Variants in DGKQ observed in about 807,000 individuals in gnomAD.
The protein encoded by DGKQ is diacylglycerol kinase theta.
In DGKQ, 97 loss-of-function variants were observed where a neutral mutation model predicts 104.2. That is an observed-to-expected ratio of 0.93 (90% CI 0.79 to 1.10). DGKQ has a LOEUF of 1.10. DGKQ is among the 50% of genes least tolerant of loss of function. The probability of loss-of-function intolerance (pLI) is 0.00; values close to 1 mark genes in which losing one functional copy is unlikely to be tolerated. For missense variants in DGKQ, 1,465 were observed against 1,352.1 expected (o/e 1.08, Z -1.31); for synonymous variants, 736 against 595.2 (o/e 1.24, Z -3.44).
At chr4:962,239 G>A (rs546099033) in intron 18 of DGKQ, among the ~76,000 whole-genome samples, 157 bp from the exon 19 acceptor site, 4 of 152,350 alleles carry the variant, frequency 2.6e-5, no homozygotes, top group Admixed American at 2.0e-4. Context: ...TCCTGGCCAG[G>A]CTCTGTCGCC....
At position 961,987 on chromosome 4, in the gene DGKQ, T is replaced by C; in HGVS notation, c.2310A>G (p.Thr770=). 1 of 1,613,152 alleles carries C rather than the reference T, an allele frequency of 6.2e-7. No individual in the cohort carries two copies. Among genetic ancestry groups the C allele is most frequent in the Non-Finnish European group, 8.5e-7 (1 of 1,179,908 alleles). ...AGCCCCTGCGGCTCCGGTACCTGCTTGTGAACTTGCCAGGCTCCTCTTCCC... is the reference window on the plus strand; with the variant it reads ...AGCCCCTGCGGCTCCGGTACCTGCTCGTGAACTTGCCAGGCTCCTCTTCCC... ...QAREEEPGKF[T]SRLHNKGVYV... The change falls in exon 19 of 23, where the codon ACA becomes ACG. Residue 770 remains threonine, a synonymous_variant. Coordinates refer to ENST00000273814, the MANE Select transcript of DGKQ (RefSeq NM_001347.4).
At chr4:970,261 C>T (rs1050410788) in intron 2 of DGKQ, among the ~76,000 whole-genome samples, 1 of 152,288 alleles carries the variant, frequency 6.6e-6, no homozygotes, top group Non-Finnish European at 1.5e-5. Flanking sequence ...GCGGCCTGCG[C>T]CCCACCTGCA....
In DGKQ at chr4:966,730, C is replaced by G; in HGVS notation, c.1366+18G>C. The G allele has an allele frequency of 1.9e-6, 3 of 1,602,658 alleles. No individual in the cohort carries two copies. Among genetic ancestry groups the G allele is most frequent in the Non-Finnish European group, 1.7e-6 (2 of 1,175,002 alleles). On this transcript the variant is annotated intron_variant, in intron 11 of 22. Coordinates refer to ENST00000273814, the MANE Select transcript of DGKQ (RefSeq NM_001347.4). ...AAGGTGCAGGGACCGCCACGCCCAG[C>G]ACGGGCTGTCTACTCACCGTGCCTG...
At position 963,229 on chromosome 4, in the gene DGKQ, C is replaced by T. The variant is rs138974295; in HGVS notation, c.1796G>A (p.Gly599Asp). The T allele has an allele frequency of 1.6e-5, 26 of 1,611,482 alleles. No individual in the cohort carries two copies. The highest frequency in any genetic ancestry group is 2.1e-5 in the Non-Finnish European group (25 of 1,178,928). ...GCAGAGCAGGTCTCGGCCCTTGAGG[C>T]CTCCACTCTTGGGGTTCACGAACAC... ...LLVFVNPKSG[G>D]LKGRDLLCSF... Residue 599 changes from glycine to aspartate, a missense_variant, in exon 16 of 23, where the codon GGC becomes GAC. By Grantham distance (94) the Gly-to-Asp change is moderately conservative. Transcript: ENST00000273814.
At chr4:960,853 T>A in intron 22 of DGKQ, 132 bp from the exon 23 acceptor site, 1 of 1,480,870 alleles carries the variant, frequency 6.8e-7, no homozygotes, top group South Asian at 1.3e-5. Context: ...GGGAGGGACC[T>A]GTCTGGCTGC....
intron 13 of DGKQ, 97 bp from the exon 14 acceptor site, chr4:965,626 A>C: frequency 4.3e-5 from 59 of 1,373,986 alleles, no homozygotes; most frequent in Non-Finnish European, 5.3e-5. Context: ...GTGACATCTC[A>C]CCCCAAAGGC....
At position 966,990 on chromosome 4, in the gene DGKQ, CCAG is replaced by C; in HGVS notation, c.1282_1284del (p.Leu428del). On this transcript the variant is annotated inframe_deletion, in exon 10 of 23. Transcript: ENST00000273814. ...TGGCGGCCGAGCAGCGGCAGGACCT[CCAG>C]CACCACAGAGCGGGCCGTGCTCTTC... 1 of 1,567,084 alleles carries C rather than the reference CCAG, an allele frequency of 6.4e-7. No homozygotes were observed. Among genetic ancestry groups the C allele is most frequent in the Non-Finnish European group, 8.6e-7 (1 of 1,158,580 alleles).
Position 968,424 on chromosome 4 carries a change from G to A in DGKQ, c.538-17C>T, listed in dbSNP as rs774283490. 4 of 1,585,050 alleles carry A rather than the reference G, an allele frequency of 2.5e-6. 1 individual carries two copies. In the South Asian group the frequency reaches 3.4e-5, roughly 14 times the overall value. On this transcript the variant is annotated splice_polypyrimidine_tract_variant and intron_variant, in intron 4 of 22. Coordinates refer to ENST00000273814, the MANE Select transcript of DGKQ (RefSeq NM_001347.4). ...ATGGGTGTCCTGCAGAGCGGGGGCAGTCAGCAGCTGGGCCCGCCCCACCCC... is the reference window on the plus strand; with the variant it reads ...ATGGGTGTCCTGCAGAGCGGGGGCAATCAGCAGCTGGGCCCGCCCCACCCC...
rs1298047547 is a variant in DGKQ at position 961,121 on chromosome 4, G to C, written c.2655C>G (p.Thr885=). Residue 885 remains threonine, a synonymous_variant, in exon 22 of 23, where the codon ACC becomes ACG. Coordinates refer to ENST00000273814, the MANE Select transcript of DGKQ (RefSeq NM_001347.4). The stretch of plus-strand genomic sequence containing the variant: ...AGGGCTCCCCGTCCACCTGCACCGG[G>C]GTGGCCTTGAGGAGCGTGACTCGGA... ...SYFRVTLLKA[T]PVQVDGEPWV... 1.9e-6 allele frequency: 3 copies of C among 1,610,982 alleles called. No individual in the cohort carries two copies. The highest frequency in any genetic ancestry group is 3.4e-5 in the Admixed American group (2 of 59,542).
At chr4:966,391 A>G in intron 12 of DGKQ, 75 bp downstream of exon 12, 1 of 1,515,312 alleles carries the variant, frequency 6.6e-7, no homozygotes, top group South Asian at 1.1e-5. Context: ...CGTCTGGGGC[A>G]CACCCACCCT....
chr4:961,464 C>T lies in DGKQ; in HGVS notation c.2574+3G>A, dbSNP rs747379235. On this transcript the variant is annotated splice_donor_region_variant and intron_variant, in intron 21 of 22. Coordinates refer to ENST00000273814, the MANE Select transcript of DGKQ (RefSeq NM_001347.4). ...TCGCCCGCCCACTCGGCCGGCGGCT[C>T]ACCATGTGCACGACGCCCGTCACGC... 1.1e-5 allele frequency: 17 copies of T among 1,591,686 alleles called. No homozygotes were observed. The highest frequency in any genetic ancestry group is 1.5e-5 in the Non-Finnish European group (17 of 1,171,826).
intron 13 of DGKQ, 30 bp from the exon 14 acceptor site, chr4:965,559 G>A (rs1295819329): frequency 5.6e-6 from 9 of 1,608,652 alleles, no homozygotes; most frequent in South Asian, 3.3e-5. Flanking sequence ...TCAGGGCGGT[G>A]GGAGGCGAAG....
Position 967,044 on chromosome 4 carries a change from C to A in DGKQ, c.1231G>T (p.Ala411Ser), listed in dbSNP as rs772878954. 6.4e-6 allele frequency: 10 copies of A among 1,556,108 alleles called. No homozygotes were observed. In the African/African-American group the frequency reaches 9.5e-5, roughly 15 times the overall value. ...IYPGWLKVGVAYVSVRVTPKS... is the reference protein window; with the variant it reads ...IYPGWLKVGVSYVSVRVTPKS... ...GGGGTCACTCGCACGGACACGTAGG[C>A]CACGCCCACCCTGTGGGGACACAGT... is the stretch of plus-strand genomic sequence containing the variant. Residue 411 changes from alanine (A) to serine (S), a missense_variant, in exon 10 of 23, where the codon GCC (alanine) becomes TCC (serine). Transcript: ENST00000273814.
Position 973,422 on chromosome 4 carries a change from C to A in DGKQ, c.61G>T (p.Gly21Cys). ...AGCACGGGGCTGCAGGCCGGGCTGC[C>A]GGGGCGCGGGGAGCCGCCGCCCAGC... ...AWLGGGSPRPGSPACSPVLGS... is the reference protein window; with the variant it reads ...AWLGGGSPRPCSPACSPVLGS... The change falls in exon 1 of 23, where the codon GGC (glycine) becomes TGC (cysteine). Residue 21 changes from glycine to cysteine, a missense_variant. Transcript: ENST00000273814. 2.0e-6 allele frequency: 2 copies of A among 994,012 alleles called. No homozygotes were observed. Among genetic ancestry groups the A allele is most frequent in the South Asian group, 4.6e-5 (1 of 21,840 alleles). 61.6% of individuals were successfully genotyped at this position (994,012 alleles called of 1,614,324 possible).
Position 971,079 on chromosome 4 carries a change from G to C in DGKQ, c.272-7C>G. On this transcript the variant is annotated splice_polypyrimidine_tract_variant and splice_region_variant and intron_variant, in intron 1 of 22. Transcript: ENST00000273814. The surrounding 1 kb of genome is among the most constrained non-coding windows in gnomAD (Gnocchi z 4.0). Reference sequence around the variant, plus strand: ...TGAGACATGAAATTGCAGACTGTGGGAATGAGCACTGTGTGAGTTGGCCCC... The same window carrying C: ...TGAGACATGAAATTGCAGACTGTGGCAATGAGCACTGTGTGAGTTGGCCCC... 1 of 1,554,824 alleles carries C rather than the reference G, an allele frequency of 6.4e-7. No individual in the cohort carries two copies. Among genetic ancestry groups the C allele is most frequent in the African/African-American group, 1.4e-5 (1 of 73,762 alleles).
In DGKQ at chr4:962,911, C is replaced by G. The variant is rs377628798; in HGVS notation, c.1896G>C (p.Leu632=). ...TNGGPLPGLH[L]FSQVPCFRVL... ...CCCGGAAGCAGGGCACCTGGGAGAA[C>G]AGGTGGAGCCTAGCGGGAGACAGGA... The change falls in exon 17 of 23, where the codon CTG becomes CTC. Residue 632 remains leucine (L), a synonymous_variant. Coordinates refer to ENST00000273814, the MANE Select transcript of DGKQ (RefSeq NM_001347.4). 3.5e-5 allele frequency: 56 copies of G among 1,608,446 alleles called. No homozygotes were observed. Among genetic ancestry groups the G allele is most frequent in the Admixed American group, 3.4e-5 (2 of 59,556 alleles).
intron 2 of DGKQ, among the ~76,000 whole-genome samples, chr4:969,599 T>A (rs1712761214): frequency 6.7e-6 from 1 of 149,476 alleles, no homozygotes; most frequent in Non-Finnish European, 1.5e-5. Flanking sequence ...TTTTATTTTG[T>A]TAAATATATC....
At position 973,358 on chromosome 4, in the gene DGKQ, C is replaced by G; in HGVS notation, c.125G>C (p.Gly42Ala). 2 of 1,183,874 alleles carry G rather than the reference C, an allele frequency of 1.7e-6. No individual in the cohort carries two copies. Among genetic ancestry groups the G allele is most frequent in the Non-Finnish European group, 2.1e-6 (2 of 956,726 alleles). 73.3% of individuals were successfully genotyped at this position (1,183,874 alleles called of 1,614,324 possible). A position where few individuals can be genotyped will look rare whatever the true frequency, so the allele number is the denominator to read the frequency against. The change falls in exon 1 of 23, where the codon GGG (glycine) becomes GCG (alanine). Residue 42 changes from glycine to alanine, a missense_variant. Gly to Ala is a moderately conservative substitution (Grantham distance 60). Transcript: ENST00000273814. ...GACGCCCGCCCGCTCGGGTCCCGGC[C>G]CCGGCCCCGGCCCCGGGCGCGCGCG... ...GGRARPGPGP[G>A]PGPERAGVRA...
rs759524027 is a variant in DGKQ at position 967,667 on chromosome 4, C to T, written c.887-18G>A. Reference sequence around the variant, plus strand: ...TTGCTTCCCTGGGCCGGGTAAGCTCCGTGAGTCCCGGGCGCCCGGGGGACC... The same window carrying T: ...TTGCTTCCCTGGGCCGGGTAAGCTCTGTGAGTCCCGGGCGCCCGGGGGACC... On this transcript the variant is annotated intron_variant, in intron 7 of 22. Coordinates refer to ENST00000273814, the MANE Select transcript of DGKQ (RefSeq NM_001347.4). 12 of 1,612,502 alleles carry T rather than the reference C, an allele frequency of 7.4e-6. No individual in the cohort carries two copies. The highest frequency in any genetic ancestry group is 1.7e-4 in the Middle Eastern group (1 of 6,060).
Sources: allele counts gnomAD v4.1 joint callset (sites outside exome capture counted in the v4.1 genomes callset), GRCh38; gene constraint gnomAD v4.1.1; non-coding constraint Gnocchi (gnomAD v3.1); transcripts MANE v1.5; gene names NCBI Gene and HGNC (gene_info 2026-07-23, HGNC 2026-07-21).